The following ADGRB3 variants were observed in gnomAD, a reference collection of about 807,000 sequenced individuals.
ADGRB3 encodes brain-specific angiogenesis inhibitor 3.
In ADGRB3, 37 loss-of-function variants were observed where a neutral mutation model predicts 193.4. The ratio of observed to expected loss-of-function variants is 0.19; its 90% CI spans 0.15 to 0.25. The LOEUF is 0.25. Ranked by LOEUF, ADGRB3 falls within the 10% of genes least tolerant of loss-of-function variation. The pLI, the probability that ADGRB3 is intolerant of heterozygous loss-of-function variation, is 1.00. For synonymous variants in ADGRB3, 690 were observed against 644.2 expected, an observed-to-expected ratio of 1.07 and a Z score of -1.08; for missense variants, 1,637 against 1,852.9, an observed-to-expected ratio of 0.88 and a Z score of 2.14.
chr6:69,277,205 G>A (rs1014942515), intron 20 of ADGRB3, among the ~76,000 whole-genome samples: 4 of 151,966 alleles, frequency 2.6e-5, no homozygotes, highest in Admixed American at 1.3e-4. Flanking sequence ...ATGTTGGTCA[G>A]GCTGGTCTTG....
At chr6:69,047,897 C>T (rs748650757) in intron 13 of ADGRB3, among the ~76,000 whole-genome samples, 6 of 152,138 alleles carry the variant, frequency 3.9e-5, no homozygotes, top group African/African-American at 1.4e-4. Flanking sequence ...CAACCATGAA[C>T]AATCAATATA....
At chr6:68,657,409 AT>A (rs1445513654) in intron 3 of ADGRB3, among the ~76,000 whole-genome samples, 4 of 151,502 alleles carry the variant, frequency 2.6e-5, no homozygotes, top group African/African-American at 9.7e-5. Context: ...TAAATTTTAC[AT>A]CAGTAAAAAT....
chr6:68,758,628 T>C (rs1766340848), intron 3 of ADGRB3, among the ~76,000 whole-genome samples: 1 of 152,126 alleles, frequency 6.6e-6, no homozygotes, highest in African/African-American at 2.4e-5. Context: ...TTGATCACAG[T>C]TATTTGCCAG....
At chr6:69,253,849 T>G (rs1766684222) in intron 20 of ADGRB3, among the ~76,000 whole-genome samples, 1 of 152,156 alleles carries the variant, frequency 6.6e-6, no homozygotes, top group South Asian at 2.1e-4. Flanking sequence ...ACCTTGTTCA[T>G]TATCAGATGA....
At chr6:68,709,594 G>A (rs1765377116) in intron 3 of ADGRB3, among the ~76,000 whole-genome samples, 2 of 152,260 alleles carry the variant, frequency 1.3e-5, no homozygotes, top group African/African-American at 2.4e-5. Context: ...TTCAGCTGGA[G>A]GTGTGGAGCT....
chr6:69,134,937 T>C (rs1396985951), intron 17 of ADGRB3, among the ~76,000 whole-genome samples: 1 of 152,034 alleles, frequency 6.6e-6, no homozygotes, highest in Non-Finnish European at 1.5e-5. Context: ...TTCATATGCA[T>C]TTTTTCTAAA....
intron 17 of ADGRB3, among the ~76,000 whole-genome samples, chr6:69,198,125 C>A (rs759319802): frequency 3.3e-5 from 5 of 152,018 alleles, no homozygotes; most frequent in Non-Finnish European, 7.4e-5. Flanking sequence ...CTTATTAATT[C>A]ATTACCATCT....
At chr6:68,979,519 T>C (rs1337986456) in intron 10 of ADGRB3, among the ~76,000 whole-genome samples, 2 of 151,554 alleles carry the variant, frequency 1.3e-5, no homozygotes, top group East Asian at 1.9e-4. Flanking sequence ...ACAAATACAC[T>C]TATCCAATTA....
At chr6:69,163,627 G>A (rs1775055287) in intron 17 of ADGRB3, among the ~76,000 whole-genome samples, 1 of 152,084 alleles carries the variant, frequency 6.6e-6, no homozygotes, top group Non-Finnish European at 1.5e-5. Context: ...GGTGAAATAG[G>A]ATGGGCAGGT....
In ADGRB3 at chr6:68,948,834, G is replaced by A. The variant is rs1767841018; in HGVS notation, c.1195+4840G>A. ...GTAAATAAGTCTTCATTTGTATACTGACATATATATATAAATGGATTTAAT... is the reference window on the plus strand; with the variant it reads ...GTAAATAAGTCTTCATTTGTATACTAACATATATATATAAATGGATTTAAT... On this transcript the variant is annotated intron_variant, in intron 6 of 31. Transcript: ENST00000370598. Among the ~76,000 whole-genome samples the A allele has an allele frequency of 2.0e-5, 3 of 152,074 alleles. No individual in the cohort carries two copies. In the South Asian group the frequency reaches 6.2e-4, roughly 32 times the overall value.
chr6:68,808,796 T>A (rs979927548), intron 3 of ADGRB3, among the ~76,000 whole-genome samples: 1 of 152,044 alleles, frequency 6.6e-6, no homozygotes, highest in African/African-American at 2.4e-5. Context: ...GATTACTAAG[T>A]GAATGAAGGC....
chr6:69,386,271 C>A (rs539278669), intron 31 of ADGRB3, among the ~76,000 whole-genome samples: 303 of 152,210 alleles, frequency 2.0e-3, no homozygotes, highest in South Asian at 7.2e-3. Flanking sequence ...GAAATCATAT[C>A]TGTTCCAAAC....
intron 17 of ADGRB3, among the ~76,000 whole-genome samples, chr6:69,185,198 A>G (rs1765043467): frequency 6.6e-6 from 1 of 152,186 alleles, no homozygotes; most frequent in South Asian, 2.1e-4. Flanking sequence ...AAAAACCTAT[A>G]CTAGTACTGT....
chr6:68,921,692 T>TG (rs887971264), intron 3 of ADGRB3, among the ~76,000 whole-genome samples: 4 of 151,918 alleles, frequency 2.6e-5, no homozygotes, highest in African/African-American at 9.7e-5. Context: ...TATATCTTCT[T>TG]GGGCAGTTTT....
At chr6:69,013,071 T>A (rs1769982571) in intron 11 of ADGRB3, among the ~76,000 whole-genome samples, 1 of 152,104 alleles carries the variant, frequency 6.6e-6, no homozygotes, top group Non-Finnish European at 1.5e-5. Context: ...TCAGGTCTCC[T>A]GTGACCCCCA....
intron 13 of ADGRB3, among the ~76,000 whole-genome samples, chr6:69,032,434 C>T (rs1317461589): frequency 6.6e-6 from 1 of 151,876 alleles, no homozygotes; most frequent in Middle Eastern, 3.2e-3. Flanking sequence ...AAGGATGCTG[C>T]TGTGAGTTTG....
intron 26 of ADGRB3, among the ~76,000 whole-genome samples, chr6:69,352,267 C>G (rs1344806309): frequency 6.6e-6 from 1 of 152,166 alleles, no homozygotes; most frequent in Non-Finnish European, 1.5e-5. Flanking sequence ...AAAGCCTTCA[C>G]ATCTGAAAAA....
chr6:68,997,509 A>G (rs1279246159), intron 11 of ADGRB3, among the ~76,000 whole-genome samples: 2 of 149,474 alleles, frequency 1.3e-5, no homozygotes, highest in African/African-American at 4.9e-5. Context: ...AAAAAAAAAA[A>G]GCAGTGCATG....
chr6:68,840,910 G>T (rs1768146432), intron 3 of ADGRB3, among the ~76,000 whole-genome samples: 1 of 152,068 alleles, frequency 6.6e-6, no homozygotes, highest in African/African-American at 2.4e-5. Context: ...GGATAGAAAA[G>T]ATATTTCATG....
Sources: gnomAD v4.1 joint callset for allele counts (sites outside exome capture counted in the v4.1 genomes callset) on GRCh38, gnomAD v4.1.1 for gene constraint, MANE v1.5 for transcripts, NCBI Gene and HGNC (gene_info 2026-07-23, HGNC 2026-07-21) for gene names.